CNTN5: variants seen among roughly 807,000 people sequenced by gnomAD.
The protein encoded by CNTN5 is contactin-5.
Under a neutral mutation model 129.1 loss-of-function variants are expected in CNTN5, and 77 were observed. The observed-to-expected ratio is 0.60, with a 90% CI of 0.50 to 0.72. CNTN5 has a LOEUF of 0.72. Among genes scored for constraint, CNTN5 ranks in the 30% least tolerant of loss-of-function variants. The pLI, the probability that CNTN5 is intolerant of heterozygous loss-of-function variation, is 0.00. For synonymous variants in CNTN5, 509 were observed against 465.6 expected (o/e 1.09, Z -1.20); for missense variants, 1,478 against 1,328.8 (o/e 1.11, Z -1.75).
intron 6 of CNTN5, among the ~76,000 whole-genome samples, chr11:99,847,475 T>A (rs1212147199): frequency 9.2e-5 from 14 of 152,198 alleles, no homozygotes; most frequent in Non-Finnish European, 2.1e-4. Flanking sequence ...AGGTATTCAG[T>A]GGTAGCACCT....
chr11:99,812,873 A>G (rs1946471827), intron 3 of CNTN5, among the ~76,000 whole-genome samples: 1 of 152,132 alleles, frequency 6.6e-6, no homozygotes, highest in African/African-American at 2.4e-5. Flanking sequence ...GCAAGTTTTC[A>G]TTCAAAGGCA....
At chr11:99,421,984 A>G (rs1016320615) in intron 2 of CNTN5, among the ~76,000 whole-genome samples, 3 of 152,200 alleles carry the variant, frequency 2.0e-5, no homozygotes, top group African/African-American at 7.2e-5. Context: ...GCAGCTGTCT[A>G]TTCAGGTGTG....
At chr11:99,338,416 AG>A (rs1866336391) in intron 2 of CNTN5, among the ~76,000 whole-genome samples, 1 of 152,198 alleles carries the variant, frequency 6.6e-6, no homozygotes, top group Admixed American at 6.5e-5. Flanking sequence ...CATGTCTGAC[AG>A]GGTTCCATTA....
chr11:99,334,640 A>G (rs1368441948), intron 2 of CNTN5, among the ~76,000 whole-genome samples: 1 of 152,094 alleles, frequency 6.6e-6, no homozygotes, highest in Non-Finnish European at 1.5e-5. Context: ...TACTAGCCAC[A>G]TGTGGCTATT....
chr11:99,565,298 G>A (rs980677991), intron 3 of CNTN5, among the ~76,000 whole-genome samples: 5 of 152,084 alleles, frequency 3.3e-5, no homozygotes, highest in African/African-American at 1.2e-4. Flanking sequence ...CAAAAGAAAT[G>A]CAATTGTCTT....
At chr11:99,789,096 A>C (rs1053178968) in intron 3 of CNTN5, among the ~76,000 whole-genome samples, 5 of 151,954 alleles carry the variant, frequency 3.3e-5, no homozygotes, top group African/African-American at 1.2e-4. Context: ...AATTATAAGA[A>C]ATAGTCCTAT....
At chr11:99,903,871 T>C (rs557464686) in intron 6 of CNTN5, among the ~76,000 whole-genome samples, 13 of 152,206 alleles carry the variant, frequency 8.5e-5, no homozygotes, top group African/African-American at 2.9e-4. Context: ...GCTGAATAGA[T>C]ACCTATCAAA....
intron 3 of CNTN5, among the ~76,000 whole-genome samples, chr11:99,587,751 G>A (rs1008739765): frequency 2.9e-5 from 1 of 34,414 alleles, no homozygotes; most frequent in East Asian, 8.6e-4. Flanking sequence ...TAGTAGCAGA[G>A]TTCTCTCTTA....
At chr11:100,312,225 C>G (rs962750114) in intron 21 of CNTN5, among the ~76,000 whole-genome samples, 9 of 152,006 alleles carry the variant, frequency 5.9e-5, no homozygotes. Flanking sequence ...CTAAACATGA[C>G]ATTAACTGTT....
intron 2 of CNTN5, among the ~76,000 whole-genome samples, chr11:99,420,962 C>A (rs1189185756): frequency 6.6e-6 from 1 of 152,148 alleles, no homozygotes; most frequent in Non-Finnish European, 1.5e-5. Flanking sequence ...TTCTCGGAAG[C>A]ATGGATAGCA....
intron 2 of CNTN5, among the ~76,000 whole-genome samples, chr11:99,457,089 C>T (rs561654757): frequency 4.6e-5 from 7 of 151,892 alleles, no homozygotes; most frequent in South Asian, 4.1e-4. Context: ...TATTTGGAAT[C>T]GGTAGATAAT....
chr11:99,647,433 T>A (rs1952006972), intron 3 of CNTN5, among the ~76,000 whole-genome samples: 1 of 152,114 alleles, frequency 6.6e-6, no homozygotes, highest in Admixed American at 6.5e-5. Context: ...CTGTTTTGTT[T>A]ACTATAATCT....
intron 8 of CNTN5, among the ~76,000 whole-genome samples, chr11:99,968,472 G>A (rs1468736713): frequency 6.6e-6 from 1 of 151,906 alleles, no homozygotes; most frequent in Non-Finnish European, 1.5e-5. Flanking sequence ...TTCTGACCAT[G>A]ATTACCTAAT....
intron 2 of CNTN5, among the ~76,000 whole-genome samples, chr11:99,552,950 A>G (rs1948543382): frequency 6.6e-6 from 1 of 152,202 alleles, no homozygotes; most frequent in African/African-American, 2.4e-5. Flanking sequence ...ACATATATTC[A>G]GACCTATTAA....
chr11:99,289,856 G>T (rs1370628110), intron 1 of CNTN5, among the ~76,000 whole-genome samples: 1 of 151,788 alleles, frequency 6.6e-6, no homozygotes, highest in Non-Finnish European at 1.5e-5. Flanking sequence ...GCAAGACTAT[G>T]AATGGGATAG....
chr11:99,328,636 C>T (rs1193607277), intron 2 of CNTN5, among the ~76,000 whole-genome samples: 6 of 151,654 alleles, frequency 4.0e-5, no homozygotes, highest in African/African-American at 9.7e-5. Flanking sequence ...TTTGGAAGGC[C>T]GAGATGGGTG....
At chr11:99,781,256 A>G (rs1945300532) in intron 3 of CNTN5, among the ~76,000 whole-genome samples, 2 of 152,084 alleles carry the variant, frequency 1.3e-5, no homozygotes, top group African/African-American at 2.4e-5. Flanking sequence ...GGTTTTAGAT[A>G]TATGTATTGC....
At chr11:99,534,843 G>A (rs546297662) in intron 2 of CNTN5, among the ~76,000 whole-genome samples, 1 of 152,188 alleles carries the variant, frequency 6.6e-6, no homozygotes, top group East Asian at 1.9e-4. Context: ...TTGTCTGGTA[G>A]TGATAAGTCA....
At chr11:100,171,098 C>T (rs138321496) in intron 13 of CNTN5, among the ~76,000 whole-genome samples, 275 of 151,940 alleles carry the variant, frequency 1.8e-3, no homozygotes, top group Middle Eastern at 3.4e-3. Flanking sequence ...TGATTTGACT[C>T]TGTTCAAAAA....
Sources: allele counts gnomAD v4.1 joint callset (sites outside exome capture counted in the v4.1 genomes callset), GRCh38; gene constraint gnomAD v4.1.1; transcripts MANE v1.5; gene names NCBI Gene and HGNC (gene_info 2026-07-23, HGNC 2026-07-21).